The following AGO1 variants were observed in gnomAD, a reference collection of about 807,000 sequenced individuals.
AGO1 encodes protein argonaute-1.
AGO1 carries 11 observed loss-of-function variants against 109.2 expected under a neutral mutation model. That is an observed-to-expected ratio of 0.10 (90% CI 0.06 to 0.17). AGO1 has a LOEUF of 0.17. Among genes scored for constraint, AGO1 ranks in the 10% least tolerant of loss-of-function variants. The probability of loss-of-function intolerance (pLI) is 1.00; values close to 1 mark genes in which losing one functional copy is unlikely to be tolerated. For synonymous variants in AGO1, 422 were observed against 418.6 expected (o/e 1.01, Z -0.10); for missense variants, 574 against 1,140.3 (o/e 0.50, Z 7.15).
At chr1:35,914,353 C>T in intron 14 of AGO1, 79 bp downstream of exon 14, 4 of 1,186,096 alleles carry the variant, frequency 3.4e-6, no homozygotes, top group Non-Finnish European at 5.0e-6. Flanking sequence ...ATTTCCTTCC[C>T]TCAGCTCTGG....
In AGO1 at chr1:35,919,737, T is replaced by A. The variant is rs1645798304; in HGVS notation, c.*130T>A. 3 of 777,882 alleles carry A rather than the reference T, an allele frequency of 3.9e-6. No individual in the cohort carries two copies. The highest frequency in any genetic ancestry group is 6.1e-6 in the Non-Finnish European group (3 of 493,742). 48.2% of individuals were successfully genotyped at this position (777,882 alleles called of 1,614,324 possible). A position where few individuals can be genotyped will look rare whatever the true frequency, so the allele number is the denominator to read the frequency against. On this transcript the variant is annotated 3_prime_UTR_variant, in exon 19 of 19. Coordinates refer to ENST00000373204, the MANE Select transcript of AGO1 (RefSeq NM_012199.5). This position sits in a 1 kb window ranked among gnomAD's most constrained non-coding sequence, Gnocchi z 6.6. ...AGGAGTGTAGGATGCCTTGTTTCCT[T>A]CTATAGAGGTGGTGTAAGAGTGGGG...
chr1:35,913,088 C>T lies in AGO1; in HGVS notation c.1583-754C>T, dbSNP rs897157831. On this transcript the variant is annotated intron_variant, in intron 12 of 18. Transcript: ENST00000373204. ...AGGCTGGAGTGCAGTGGCACAATCT[C>T]GGCTCACTACAAGCTCCACCTCCCG... Among the ~76,000 whole-genome samples the T allele has an allele frequency of 2.0e-4, 30 of 151,430 alleles. No homozygotes were observed. In the Middle Eastern group the frequency reaches 0.01, roughly 52 times the overall value.
At position 35,922,623 on chromosome 1, in the gene AGO1, C is replaced by T. The variant is rs555364099; in HGVS notation, c.*3016C>T. 2.6e-5 allele frequency: 4 copies of T among 153,440 alleles called. No homozygotes were observed. Among genetic ancestry groups the T allele is most frequent in the Non-Finnish European group, 4.3e-5 (3 of 69,086 alleles). The allele number at this position is 153,440 out of a possible 1,614,324, so 9.5% of individuals were successfully genotyped here. A position where few individuals can be genotyped will look rare whatever the true frequency, so the allele number is the denominator to read the frequency against. Reference sequence around the variant, plus strand: ...GCCTGCCTGCCTGCCTGCCTGCCTGCCTGCCTGTCTGCCTATGTGATGATG... The same window carrying T: ...GCCTGCCTGCCTGCCTGCCTGCCTGTCTGCCTGTCTGCCTATGTGATGATG... On this transcript the variant is annotated 3_prime_UTR_variant, in exon 19 of 19. Coordinates refer to ENST00000373204, the MANE Select transcript of AGO1 (RefSeq NM_012199.5).
At chr1:35,905,554 G>A (rs1645504243) in intron 11 of AGO1, among the ~76,000 whole-genome samples, 1 of 151,978 alleles carries the variant, frequency 6.6e-6, no homozygotes, top group African/African-American at 2.4e-5. Flanking sequence ...TGCAGCCTCT[G>A]CCTCCTGTTT....
intron 8 of AGO1, among the ~76,000 whole-genome samples, chr1:35,900,338 C>T (rs1326447769): frequency 6.6e-6 from 1 of 152,182 alleles, no homozygotes; most frequent in African/African-American, 2.4e-5. Context: ...ATCTGTGCTA[C>T]AATTTATTGT....
chr1:35,916,532 T>C (rs767311939), intron 15 of AGO1, among the ~76,000 whole-genome samples: 1 of 152,140 alleles, frequency 6.6e-6, no homozygotes, highest in Non-Finnish European at 1.5e-5. Context: ...CACACCCAGC[T>C]TATTTTTGTA....
chr1:35,915,078 T>C (rs1264630497), intron 14 of AGO1, among the ~76,000 whole-genome samples: 5 of 152,150 alleles, frequency 3.3e-5, no homozygotes. Context: ...GTACCTACTG[T>C]GGGCTACGTC....
chr1:35,915,286 AC>A, intron 14 of AGO1, 61 bp from the exon 15 acceptor site: 1 of 1,486,240 alleles, frequency 6.7e-7, no homozygotes, highest in South Asian at 1.2e-5. Context: ...CTTTCCACAA[AC>A]CCATAGCCTG....
intron 11 of AGO1, 93 bp from the exon 12 acceptor site, chr1:35,906,842 T>A: frequency 6.2e-6 from 6 of 974,174 alleles, no homozygotes; most frequent in Middle Eastern, 2.3e-4. Flanking sequence ...TCTCAGTGCC[T>A]CTTATAGTGC....
Position 35,893,513 on chromosome 1 carries a change from T to C in AGO1, c.513-161T>C. On this transcript the variant is annotated intron_variant, in intron 4 of 18. Coordinates refer to ENST00000373204, the MANE Select transcript of AGO1 (RefSeq NM_012199.5). The surrounding 1 kb of genome is among the most constrained non-coding windows in gnomAD (Gnocchi z 5.6). Reference sequence around the variant, plus strand: ...CTGTCCCTGCAGGGCAGAGAGAAGGTAGAAACTTGTACAAGGTCAGTCATA... The same window carrying C: ...CTGTCCCTGCAGGGCAGAGAGAAGGCAGAAACTTGTACAAGGTCAGTCATA... 2 of 864,584 alleles carry C rather than the reference T, an allele frequency of 2.3e-6. No individual in the cohort carries two copies. The highest frequency in any genetic ancestry group is 3.5e-6 in the Non-Finnish European group (2 of 579,076). 53.6% of individuals were successfully genotyped at this position (864,584 alleles called of 1,614,324 possible).
Position 35,888,480 on chromosome 1 carries a change from C to A in AGO1, c.79C>A (p.Pro27Thr). The stretch of plus-strand genomic sequence containing the variant: ...GCAGGTGTTCCAGGCACCTCGCCGG[C>A]CTGGCATTGGCACTGTGGGGAAACC... ...LQQVFQAPRR[P>T]GIGTVGKPIK... Residue 27 changes from proline (P) to threonine (T), a missense_variant, in exon 2 of 19, where the codon CCT becomes ACT. Physicochemically the swap from Pro to Thr is conservative, Grantham distance 38. Coordinates refer to ENST00000373204, the MANE Select transcript of AGO1 (RefSeq NM_012199.5). This position sits in a 1 kb window ranked among gnomAD's most constrained non-coding sequence, Gnocchi z 4.1. 1 of 1,614,226 alleles carries A rather than the reference C, an allele frequency of 6.2e-7. No individual in the cohort carries two copies. Among genetic ancestry groups the A allele is most frequent in the Non-Finnish European group, 8.5e-7 (1 of 1,180,042 alleles).
At chr1:35,869,774 G>C (rs954052138), upstream of AGO1, 6 of 152,294 alleles carry the variant, frequency 3.9e-5, no homozygotes, top group Admixed American at 6.6e-5. Context: ...GCCAAATGTG[G>C]ACCTGTGAGG....
chr1:35,929,672 G>A lies in AGO1; in HGVS notation c.*10065G>A, dbSNP rs920123616. 1 of 152,210 alleles carries A rather than the reference G, an allele frequency of 6.6e-6. No homozygotes were observed. Among genetic ancestry groups the A allele is most frequent in the Non-Finnish European group, 1.5e-5 (1 of 68,038 alleles). 9.4% of individuals were successfully genotyped at this position (152,210 alleles called of 1,614,324 possible). On this transcript the variant is annotated 3_prime_UTR_variant, in exon 19 of 19. Coordinates refer to ENST00000373204, the MANE Select transcript of AGO1 (RefSeq NM_012199.5). ...AATTGGGGAGGGTATTTTCAGCCAT[G>A]GGGGTAGGGATGTGAAAGAAGAAGA... is the stretch of plus-strand genomic sequence containing the variant.
At chr1:35,914,025 C>A (rs773898191) in intron 13 of AGO1, 24 bp downstream of exon 13, 1 of 1,613,336 alleles carries the variant, frequency 6.2e-7, no homozygotes, top group South Asian at 1.1e-5. Context: ...TGTCCACTTG[C>A]CCTTGTCAAG....
chr1:35,909,107 T>G (rs910513154), intron 12 of AGO1, among the ~76,000 whole-genome samples: 2 of 152,186 alleles, frequency 1.3e-5, no homozygotes, highest in Non-Finnish European at 1.5e-5. Flanking sequence ...CATGAGCCAC[T>G]GTGCCCTGCC....
At chr1:35,874,689 A>G (rs1644979359) in intron 1 of AGO1, among the ~76,000 whole-genome samples, 2 of 152,240 alleles carry the variant, frequency 1.3e-5, no homozygotes, top group African/African-American at 2.4e-5. Flanking sequence ...GAAGACATAT[A>G]GAAAGCTGAG....
At chr1:35,912,862 G>C (rs117889639) in intron 12 of AGO1, among the ~76,000 whole-genome samples, 5 of 152,160 alleles carry the variant, frequency 3.3e-5, no homozygotes, top group African/African-American at 9.6e-5. Context: ...GTAAGCCACC[G>C]TGCCCGGCTG....
At chr1:35,876,989 T>G (rs1644997803) in intron 1 of AGO1, among the ~76,000 whole-genome samples, 1 of 152,214 alleles carries the variant, frequency 6.6e-6, no homozygotes, top group Admixed American at 6.5e-5. Context: ...GATCTTACTC[T>G]ATTGCCTGTG....
chr1:35,877,153 G>C (rs552486917), intron 1 of AGO1, among the ~76,000 whole-genome samples: 1 of 152,142 alleles, frequency 6.6e-6, no homozygotes, highest in Non-Finnish European at 1.5e-5. Flanking sequence ...ACTGAACCGT[G>C]AATCTGCATA....
Sources: gnomAD v4.1 joint callset for allele counts (sites outside exome capture counted in the v4.1 genomes callset) on GRCh38, gnomAD v4.1.1 for gene constraint, Gnocchi (gnomAD v3.1) non-coding constraint, MANE v1.5 for transcripts, NCBI Gene and HGNC (gene_info 2026-07-23, HGNC 2026-07-21) for gene names.